Variants in CDH22 observed in about 807,000 individuals in gnomAD.
The protein encoded by CDH22 is cadherin 22.
Under a neutral mutation model 58.4 loss-of-function variants are expected in CDH22, and 30 were observed. The observed-to-expected ratio is 0.51, with a 90% CI of 0.38 to 0.70. CDH22 has a LOEUF of 0.70. Ranked by LOEUF, CDH22 falls within the 30% of genes least tolerant of loss-of-function variation. The pLI, the probability that CDH22 is intolerant of heterozygous loss-of-function variation, is 0.00. For synonymous variants in CDH22, 513 were observed against 558.2 expected, an observed-to-expected ratio of 0.92 and a Z score of 1.14; for missense variants, 1,014 against 1,233.9, an observed-to-expected ratio of 0.82 and a Z score of 2.67.
At chr20:46,263,087 A>G (rs1013956054) in intron 1 of CDH22, among the ~76,000 whole-genome samples, 2 of 152,172 alleles carry the variant, frequency 1.3e-5, no homozygotes, top group Non-Finnish European at 2.9e-5. Context: ...TGGCCTCAGC[A>G]TTCTGCCCAC....
rs1600692647 is a variant in CDH22 at position 46,199,354 on chromosome 20, G to T, written c.1423+69C>A. 3.2e-5 allele frequency: 50 copies of T among 1,548,458 alleles called. 1 individual carries two copies. The South Asian group carries it at 5.7e-4, about 18-fold the overall frequency. ...GCCTTGGCCCTGCCCCCAGCCCTTGGCCCCTCCCTTCAGCTTTTGCTCCTG... is the reference window on the plus strand; with the variant it reads ...GCCTTGGCCCTGCCCCCAGCCCTTGTCCCCTCCCTTCAGCTTTTGCTCCTG... On this transcript the variant is annotated intron_variant, in intron 8 of 11. Coordinates refer to ENST00000537909, the MANE Select transcript of CDH22 (RefSeq NM_021248.3).
Position 46,180,926 on chromosome 20 carries a change from TTGTGTG to T in CDH22, c.1664-2735_1664-2730del, listed in dbSNP as rs11471209. 3.1e-3 allele frequency among the ~76,000 whole-genome samples: 440 copies of T among 142,560 alleles called. 1 individual carries two copies. Among genetic ancestry groups the T allele is most frequent in the South Asian group, 3.7e-3 (16 of 4,310 alleles). The allele number at this position is 142,560 out of a possible 152,430, so 93.5% of individuals were successfully genotyped here. On this transcript the variant is annotated intron_variant, in intron 10 of 11. Coordinates refer to ENST00000537909, the MANE Select transcript of CDH22 (RefSeq NM_021248.3). ...TTTTTTTTAATTTTTAAAGTTTGTTTTGTGTGTGTGTGTGTGTGTGTGTGTGTGTGT... is the reference window on the plus strand; with the variant it reads ...TTTTTTTTAATTTTTAAAGTTTGTTTTGTGTGTGTGTGTGTGTGTGTGTGT...
intron 3 of CDH22, among the ~76,000 whole-genome samples, chr20:46,238,532 C>A (rs1026135214): frequency 3.3e-5 from 5 of 152,336 alleles, no homozygotes; most frequent in African/African-American, 9.6e-5. Context: ...ATACGTTTTT[C>A]TAACTTAACA....
chr20:46,295,188 C>T (rs918439887), intron 1 of CDH22, among the ~76,000 whole-genome samples: 15 of 152,230 alleles, frequency 9.9e-5, no homozygotes, highest in African/African-American at 3.1e-4. Flanking sequence ...CTCCATGCAA[C>T]GTCCTTTGGC....
In CDH22 at chr20:46,251,280, G is replaced by C; in HGVS notation, c.15C>G (p.Pro5=). The change falls in exon 2 of 12, where the codon CCC becomes CCG. Residue 5 remains proline, a synonymous_variant. Transcript: ENST00000537909. The surrounding 1 kb of genome is among the most constrained non-coding windows in gnomAD (Gnocchi z 6.7). The part of the protein sequence containing the change: MRPR[P]EGRGLRAGVA... Reference sequence around the variant, plus strand: ...CTCCCGCCCGGAGCCCCCTACCTTCGGGCCTCGGCCTCATCCTTGGCCTGC... The same window carrying C: ...CTCCCGCCCGGAGCCCCCTACCTTCCGGCCTCGGCCTCATCCTTGGCCTGC... The C allele has an allele frequency of 6.8e-7, 1 of 1,459,906 alleles. No homozygotes were observed. Among genetic ancestry groups the C allele is most frequent in the Non-Finnish European group, 9.0e-7 (1 of 1,112,984 alleles). 90.4% of individuals were successfully genotyped at this position (1,459,906 alleles called of 1,614,324 possible). A position where few individuals can be genotyped will look rare whatever the true frequency, so the allele number is the denominator to read the frequency against.
intron 11 of CDH22, among the ~76,000 whole-genome samples, chr20:46,177,657 A>T (rs2085750681): frequency 6.6e-6 from 1 of 152,192 alleles, no homozygotes; most frequent in South Asian, 2.1e-4. Flanking sequence ...GAGACTAAAA[A>T]AGGACCATTC....
At chr20:46,214,754 C>T (rs1384383695) in intron 5 of CDH22, among the ~76,000 whole-genome samples, 1 of 152,252 alleles carries the variant, frequency 6.6e-6, no homozygotes, top group Non-Finnish European at 1.5e-5. Flanking sequence ...GGAACCTTCC[C>T]AGACCTCCAG....
intron 10 of CDH22, among the ~76,000 whole-genome samples, chr20:46,184,830 C>T (rs904795596): frequency 7.9e-5 from 12 of 151,938 alleles, no homozygotes; most frequent in Admixed American, 5.2e-4. Flanking sequence ...GAGGAACAGG[C>T]GCCCCAGCAC....
chr20:46,215,943 A>G (rs2086081558), intron 5 of CDH22, among the ~76,000 whole-genome samples: 1 of 151,910 alleles, frequency 6.6e-6, no homozygotes, highest in Non-Finnish European at 1.5e-5. Context: ...TGGTGAGCTC[A>G]GCTCACTCCG....
intron 7 of CDH22, among the ~76,000 whole-genome samples, chr20:46,202,491 C>T (rs901729270): frequency 5.9e-5 from 9 of 151,842 alleles, no homozygotes; most frequent in African/African-American, 9.7e-5. Flanking sequence ...GTAGCTGGGA[C>T]TACAGGCGCC....
rs773645188 is a variant in CDH22, at chr20:46,178,054, C to T, written c.1807G>A (p.Asp603Asn). The change falls in exon 11 of 12, where the codon GAC becomes AAC. Residue 603 changes from aspartate (D) to asparagine (N), a missense_variant. Physicochemically the swap from Asp to Asn is conservative, Grantham distance 23. Around this residue, in one of 2 missense-constraint regions of CDH22, gnomAD observed 806 missense variants for 1,038.7 expected, o/e 0.78. Coordinates refer to ENST00000537909, the MANE Select transcript of CDH22 (RefSeq NM_021248.3). ...CAGGACTGGATGGTGCCGGAGCTGT[C>T]GCAGCCACAGATGCGGATGGTGAGC... is the stretch of plus-strand genomic sequence containing the variant. ...GTLTIRICGCDSSGTIQSCNT... is the reference protein window; with the variant it reads ...GTLTIRICGCNSSGTIQSCNT... 4 of 1,613,946 alleles carry T rather than the reference C, an allele frequency of 2.5e-6. No homozygotes were observed. Among genetic ancestry groups the T allele is most frequent in the South Asian group, 1.1e-5 (1 of 91,076 alleles).
chr20:46,213,227 C>T (rs766819127), intron 5 of CDH22, 39 bp from the exon 6 acceptor site: 1 of 1,575,104 alleles, frequency 6.3e-7, no homozygotes, highest in Non-Finnish European at 8.7e-7. Context: ...TGAAGGCAGC[C>T]CCTTCCCCAG....
intron 1 of CDH22, among the ~76,000 whole-genome samples, chr20:46,280,943 C>G (rs1641335985): frequency 1.3e-5 from 2 of 152,194 alleles, no homozygotes; most frequent in South Asian, 4.1e-4. Context: ...AGTAGGTTCT[C>G]AGGAAAGTCT....
chr20:46,299,460 A>G (rs1413898470), intron 1 of CDH22, among the ~76,000 whole-genome samples: 1 of 152,274 alleles, frequency 6.6e-6, no homozygotes, highest in Non-Finnish European at 1.5e-5. Context: ...GCTAGGACAC[A>G]GGAGAGACAC....
At chr20:46,200,870 C>T (rs1393756033) in intron 7 of CDH22, among the ~76,000 whole-genome samples, 2 of 152,098 alleles carry the variant, frequency 1.3e-5, no homozygotes, top group African/African-American at 4.8e-5. Context: ...CTGGGGGCCG[C>T]GGCGTGGACA....
chr20:46,197,314 A>ATATATATATATATATATATATATG, intron 8 of CDH22, among the ~76,000 whole-genome samples: 1 of 149,116 alleles, frequency 6.7e-6, no homozygotes, highest in African/African-American at 2.4e-5. Flanking sequence ...ATATATATAT[A>ATATATATATATATATATATATATG]TATACATATG....
intron 8 of CDH22, among the ~76,000 whole-genome samples, chr20:46,192,865 T>C (rs1363286743): frequency 6.6e-6 from 1 of 151,020 alleles, no homozygotes; most frequent in East Asian, 2.0e-4. Flanking sequence ...GGGAAGGGGG[T>C]GTCAGGGTAG....
chr20:46,181,267 G>A (rs1179716175), intron 10 of CDH22, among the ~76,000 whole-genome samples: 6 of 152,118 alleles, frequency 3.9e-5, no homozygotes, highest in Non-Finnish European at 8.8e-5. Flanking sequence ...TGCTGTGAAG[G>A]AAGAATATAG....
intron 1 of CDH22, among the ~76,000 whole-genome samples, chr20:46,307,112 G>T (rs2086681299): frequency 6.6e-6 from 1 of 152,240 alleles, no homozygotes; most frequent in African/African-American, 2.4e-5. Context: ...CACGGAAAAA[G>T]AAGCTGGCAT....
Sources: allele counts gnomAD v4.1 joint callset (sites outside exome capture counted in the v4.1 genomes callset), GRCh38; gene constraint gnomAD v4.1.1; regional missense constraint gnomAD v4.1.1; non-coding constraint Gnocchi (gnomAD v3.1); transcripts MANE v1.5; gene names NCBI Gene and HGNC (gene_info 2026-07-23, HGNC 2026-07-21).